ARFGEF1: variants seen among roughly 807,000 people sequenced by gnomAD.
ARFGEF1 encodes brefeldin A-inhibited guanine nucleotide-exchange protein 1.
Under a neutral mutation model 231.0 loss-of-function variants are expected in ARFGEF1, and 42 were observed. The observed-to-expected ratio is 0.18, with a 90% CI of 0.14 to 0.24. ARFGEF1 has a LOEUF of 0.24. Ranked by LOEUF, ARFGEF1 falls within the 10% of genes least tolerant of loss-of-function variation. The pLI is 1.00. For synonymous variants in ARFGEF1, 710 were observed against 732.3 expected (o/e 0.97, Z 0.49); for missense variants, 1,345 against 2,192.0 (o/e 0.61, Z 7.72).
At chr8:67,228,683 A>G (rs1839460229) in intron 23 of ARFGEF1, among the ~76,000 whole-genome samples, 1 of 152,088 alleles carries the variant, frequency 6.6e-6, no homozygotes, top group Non-Finnish European at 1.5e-5. Flanking sequence ...CCAGTAAAGT[A>G]TATTTGATTA....
chr8:67,242,095 A>G (rs560636396), intron 19 of ARFGEF1, among the ~76,000 whole-genome samples: 1 of 152,314 alleles, frequency 6.6e-6, no homozygotes, highest in African/African-American at 2.4e-5. Flanking sequence ...ACCAGCATGG[A>G]CTAAAATGTT....
At chr8:67,238,948 A>AT in intron 20 of ARFGEF1, 55 bp from the exon 21 acceptor site, 1 of 1,346,144 alleles carries the variant, frequency 7.4e-7, no homozygotes, top group Non-Finnish European at 1.0e-6. Flanking sequence ...AGACTGATTA[A>AT]TTCCCCACCA....
At chr8:67,288,959 C>CA (rs550504271) in intron 6 of ARFGEF1, among the ~76,000 whole-genome samples, 1,630 of 142,714 alleles carry the variant, frequency 0.011, 13 homozygotes, top group African/African-American at 0.024. Flanking sequence ...ACAAAAAAAA[C>CA]AAAAAAAAAA....
chr8:67,299,329 A>C lies in ARFGEF1; in HGVS notation c.339T>G (p.Thr113=). Residue 113 remains threonine (T), a synonymous_variant, in exon 4 of 39, where the codon ACT becomes ACG. Coordinates refer to ENST00000262215, the MANE Select transcript of ARFGEF1 (RefSeq NM_006421.5). The stretch of plus-strand genomic sequence containing the variant: ...GTGTTGTACTATCTGGAGCATTGCC[A>C]GTCAAGTGCCCATAAGCAATAAGTT... ...LQKLIAYGHL[T]GNAPDSTTPG... 2.5e-6 allele frequency: 4 copies of C among 1,606,034 alleles called. No individual in the cohort carries two copies. The highest frequency in any genetic ancestry group is 3.4e-6 in the Non-Finnish European group (4 of 1,178,112).
rs1287995032 is a variant in ARFGEF1 at position 67,204,363 on chromosome 8, T to C, written c.4959+317A>G. Among the ~76,000 whole-genome samples the C allele has an allele frequency of 2.0e-5, 3 of 152,170 alleles. No individual in the cohort carries two copies. The South Asian group carries it at 6.2e-4, about 32-fold the overall frequency. ...CATGCTTCTTCTTAAAACATTTTCT[T>C]CATCTGACTTCCCCGACAACTGACA... On this transcript the variant is annotated intron_variant, in intron 35 of 38. Transcript: ENST00000262215.
intron 2 of ARFGEF1, 48 bp downstream of exon 2, chr8:67,302,388 T>C: frequency 6.7e-7 from 1 of 1,490,340 alleles, no homozygotes; most frequent in Non-Finnish European, 9.1e-7. Context: ...TGACCAAGAC[T>C]GACAAGTTTG....
chr8:67,225,648 T>C (rs558383882), intron 28 of ARFGEF1, among the ~76,000 whole-genome samples: 60 of 152,266 alleles, frequency 3.9e-4, no homozygotes, highest in African/African-American at 1.3e-3. Context: ...CTGTAGGGAA[T>C]GGTTAGAAAC....
At chr8:67,297,331 TC>T (rs773735228) in intron 4 of ARFGEF1, among the ~76,000 whole-genome samples, 33 of 152,330 alleles carry the variant, frequency 2.2e-4, no homozygotes, top group Middle Eastern at 3.4e-3. Context: ...TTTTCTGAGA[TC>T]TTTTTTTAAC....
intron 1 of ARFGEF1, among the ~76,000 whole-genome samples, chr8:67,341,311 G>A (rs980113441): frequency 2.0e-5 from 3 of 151,846 alleles, no homozygotes; most frequent in African/African-American, 7.3e-5. Flanking sequence ...ATTAAGGCCA[G>A]GAGAGGTAGC....
intron 5 of ARFGEF1, among the ~76,000 whole-genome samples, chr8:67,185,479 G>A (rs1834322232): frequency 6.6e-6 from 1 of 152,200 alleles, no homozygotes; most frequent in East Asian, 1.9e-4. Context: ...AAGTAACACT[G>A]GCAACTTTGA....
intron 14 of ARFGEF1, among the ~76,000 whole-genome samples, chr8:67,263,735 CT>C (rs1026665780): frequency 3.3e-5 from 5 of 152,136 alleles, no homozygotes; most frequent in Admixed American, 3.3e-4. Context: ...CCCCCTACCC[CT>C]AGAAGCTCTC....
chr8:67,252,282 CAAAAAAAAAAAAAAA>C (rs57653248), intron 18 of ARFGEF1, among the ~76,000 whole-genome samples: 3 of 21,878 alleles, frequency 1.4e-4, no homozygotes, highest in African/African-American at 2.6e-4. Flanking sequence ...AACTCCATCT[CAAAAAAAAAAAAAAA>C]AAAAAAAAAA....
intron 1 of ARFGEF1, among the ~76,000 whole-genome samples, chr8:67,326,122 C>T (rs931823254): frequency 1.3e-5 from 2 of 152,152 alleles, no homozygotes; most frequent in Non-Finnish European, 2.9e-5. Context: ...TCACTTGAAC[C>T]TGGAGATGGA....
chr8:67,263,055 C>T (rs1563872626), intron 14 of ARFGEF1, among the ~76,000 whole-genome samples: 1 of 152,168 alleles, frequency 6.6e-6, no homozygotes. Context: ...CCACACAAAA[C>T]CTTTCTCAAT....
intron 32 of ARFGEF1, among the ~76,000 whole-genome samples, chr8:67,217,315 A>AC (rs1325418362): frequency 1.0e-3 from 154 of 152,102 alleles, no homozygotes; most frequent in African/African-American, 3.4e-3. Flanking sequence ...AAAAAAAAAA[A>AC]AAAAAACCTA....
intron 10 of ARFGEF1, among the ~76,000 whole-genome samples, chr8:67,269,252 G>A (rs1804972209): frequency 6.6e-6 from 1 of 151,380 alleles, no homozygotes; most frequent in South Asian, 2.1e-4. Context: ...CAGAAACTCT[G>A]AAGTGAATAT....
intron 3 of ARFGEF1, among the ~76,000 whole-genome samples, chr8:67,300,172 A>G (rs1374678486): frequency 6.6e-6 from 1 of 152,178 alleles, no homozygotes; most frequent in Admixed American, 6.5e-5. Context: ...TATACCCTGG[A>G]AGGAAGGCTT....
chr8:67,177,721 A>C, intron 5 of ARFGEF1: 1 of 1,610,454 alleles, frequency 6.2e-7, no homozygotes, highest in Non-Finnish European at 8.5e-7. Context: ...ACGAGAGCAA[A>C]GAATGGTAAG....
At chr8:67,179,433 G>C (rs898679042) in intron 5 of ARFGEF1, among the ~76,000 whole-genome samples, 3 of 152,172 alleles carry the variant, frequency 2.0e-5, no homozygotes, top group African/African-American at 7.2e-5. Flanking sequence ...GAAAGAAATA[G>C]TAAGTGGGCT....
Sources: allele counts gnomAD v4.1 joint callset (sites outside exome capture counted in the v4.1 genomes callset), GRCh38; gene constraint gnomAD v4.1.1; transcripts MANE v1.5; gene names NCBI Gene and HGNC (gene_info 2026-07-23, HGNC 2026-07-21).